The following RBFOX1 variants were observed in gnomAD, a reference collection of about 807,000 sequenced individuals.
RBFOX1 encodes RNA binding fox-1 homolog 1.
A neutral mutation model predicts 57.7 loss-of-function variants in RBFOX1; 8 were observed. The ratio of observed to expected loss-of-function variants is 0.14; its 90% confidence interval spans 0.08 to 0.25. The LOEUF (loss-of-function observed/expected upper bound fraction) is 0.25, where lower values mean the gene tolerates loss of function less well. RBFOX1 is among the 10% of genes least tolerant of loss of function. The pLI is 1.00. For missense variants in RBFOX1, 611 were observed against 548.5 expected (o/e 1.11, Z -1.14); for synonymous variants, 326 against 222.4 (o/e 1.47, Z -4.15).
intron 3 of RBFOX1, among the ~76,000 whole-genome samples, chr16:7,022,837 A>G (rs941724580): frequency 1.4e-4 from 21 of 152,304 alleles, no homozygotes; most frequent in African/African-American, 4.6e-4. Context: ...AAGGAAGCTG[A>G]GGGGCAGAGA....
At chr16:6,096,247 A>C (rs1189700942) in intron 1 of RBFOX1, among the ~76,000 whole-genome samples, 2 of 152,180 alleles carry the variant, frequency 1.3e-5, no homozygotes, top group Admixed American at 1.3e-4. Context: ...GAAGGAGAAA[A>C]GTTCTGTCCC....
At chr16:6,625,541 C>T (rs2098293387) in intron 2 of RBFOX1, among the ~76,000 whole-genome samples, 1 of 152,046 alleles carries the variant, frequency 6.6e-6, no homozygotes, top group Admixed American at 6.5e-5. Flanking sequence ...TAAGAAAGCC[C>T]TCTCTGTCTG....
chr16:6,004,201 A>C (rs933341359), intron 4 of RBFOX1, among the ~76,000 whole-genome samples: 1 of 152,066 alleles, frequency 6.6e-6, no homozygotes, highest in African/African-American at 2.4e-5. Context: ...ATAAAATAAA[A>C]TTTTTTTTAA....
At chr16:6,604,127 C>A (rs896256835) in intron 2 of RBFOX1, among the ~76,000 whole-genome samples, 1 of 152,010 alleles carries the variant, frequency 6.6e-6, no homozygotes, top group Admixed American at 6.6e-5. Context: ...ACTCCCCTTA[C>A]TGTTGGCAGC....
rs539908165 is a variant in RBFOX1, at chr16:5,503,911, G to T, written c.258+36657G>T. Among the ~76,000 whole-genome samples the T allele has an allele frequency of 7.8e-4, 118 of 152,250 alleles. 1 individual carries two copies. The highest frequency in any genetic ancestry group is 1.3e-3 in the Non-Finnish European group (87 of 68,018). On this transcript the variant is annotated intron_variant, in intron 2 of 2. Coordinates refer to the RBFOX1 transcript ENST00000585867. ...CACTCATCTACTTTCTATCTCTACA[G>T]ATTTGCCTGTTGTGGCCATTTCATA...
At chr16:6,902,446 A>C (rs1207545967) in intron 3 of RBFOX1, among the ~76,000 whole-genome samples, 3 of 152,208 alleles carry the variant, frequency 2.0e-5, no homozygotes, top group Non-Finnish European at 4.4e-5. Context: ...TGGTTTTGCC[A>C]GGTGCAAAAC....
chr16:7,691,928 T>TGC (rs1350205631), intron 14 of RBFOX1, among the ~76,000 whole-genome samples: 3 of 152,162 alleles, frequency 2.0e-5, no homozygotes, highest in East Asian at 1.9e-4. Context: ...ATAGAGGTTA[T>TGC]TCTAAGTGCC....
chr16:6,124,984 T>C (rs1055274314), intron 1 of RBFOX1, among the ~76,000 whole-genome samples: 1 of 152,198 alleles, frequency 6.6e-6, no homozygotes, highest in African/African-American at 2.4e-5. Flanking sequence ...AGGCTCCAAG[T>C]TGAGCCAACG....
At position 7,020,919 on chromosome 16, in the gene RBFOX1, G is replaced by A. The variant is rs542567129; in HGVS notation, c.-15-31138G>A. ...AGACAGGCAAATCGCTTGAGGCCAG[G>A]AGTTCTAGACCAGCATGGCCAACAT... On this transcript the variant is annotated intron_variant, in intron 3 of 15. Transcript: ENST00000550418. Among the ~76,000 whole-genome samples the A allele has an allele frequency of 2.0e-5, 3 of 152,280 alleles. No individual in the cohort carries two copies. The South Asian group carries it at 6.2e-4, about 32-fold the overall frequency.
chr16:7,107,632 C>T (rs374345891), intron 4 of RBFOX1, among the ~76,000 whole-genome samples: 20 of 152,212 alleles, frequency 1.3e-4, no homozygotes, highest in East Asian at 9.7e-4. Context: ...CTTTCCGCTC[C>T]TCCCCTTCCA....
At chr16:7,278,387 C>G (rs1016180889) in intron 4 of RBFOX1, among the ~76,000 whole-genome samples, 2 of 152,152 alleles carry the variant, frequency 1.3e-5, no homozygotes, top group African/African-American at 2.4e-5. Context: ...ATAAAGATTC[C>G]TATGTATATC....
chr16:6,085,752 T>G (rs1597157530), intron 1 of RBFOX1, among the ~76,000 whole-genome samples: 3 of 151,968 alleles, frequency 2.0e-5, no homozygotes, highest in African/African-American at 4.8e-5. Flanking sequence ...TCCCCAAGAG[T>G]TGGGTCCCTT....
Position 7,693,919 on chromosome 16 carries a change from A to T in RBFOX1, c.996-15137A>T, listed in dbSNP as rs188844711. Among the ~76,000 whole-genome samples the T allele has an allele frequency of 1.6e-3, 238 of 152,320 alleles. 1 individual carries two copies. Among genetic ancestry groups the T allele is most frequent in the African/African-American group, 5.4e-3 (226 of 41,568 alleles). On this transcript the variant is annotated intron_variant, in intron 14 of 15. Transcript: ENST00000550418. ...TTTCCTTTCTTATAAAACATCTCTC[A>T]AGTAGCAGGACTTAGAGAGACCAGG... is the stretch of plus-strand genomic sequence containing the variant.
rs550638513 is a variant in RBFOX1 at position 7,240,877 on chromosome 16, GT to G, written c.27+188785del. Reference sequence around the variant, plus strand: ...GAGCCGCTGCACCTGGCAAAATATTGTTTTTTGAAACTCTTCTTGAAGTACT... The same window carrying G: ...GAGCCGCTGCACCTGGCAAAATATTGTTTTTGAAACTCTTCTTGAAGTACT... On this transcript the variant is annotated intron_variant, in intron 4 of 15. Transcript: ENST00000550418. Among the ~76,000 whole-genome samples the G allele has an allele frequency of 2.6e-5, 4 of 152,248 alleles. No homozygotes were observed. In the East Asian group the frequency reaches 5.8e-4, roughly 22 times the overall value.
At chr16:5,868,657 A>G (rs1235500595) in intron 4 of RBFOX1, among the ~76,000 whole-genome samples, 1 of 152,200 alleles carries the variant, frequency 6.6e-6, no homozygotes, top group Non-Finnish European at 1.5e-5. Flanking sequence ...GAGTGATTTC[A>G]GATGCCTAGT....
chr16:6,685,574 C>T (rs2059331931), intron 3 of RBFOX1, among the ~76,000 whole-genome samples: 1 of 151,962 alleles, frequency 6.6e-6, no homozygotes, highest in Admixed American at 6.6e-5. Context: ...AGGCATGAGC[C>T]ACTGTGTCTG....
chr16:6,483,135 G>A, intron 2 of RBFOX1: 16 of 1,049,818 alleles, frequency 1.5e-5, no homozygotes, highest in Non-Finnish European at 1.8e-5. Flanking sequence ...CCTTCCCCCA[G>A]CTGCAAGAGT....
At chr16:5,497,632 A>AG (rs2043046513) in intron 2 of RBFOX1, among the ~76,000 whole-genome samples, 1 of 147,004 alleles carries the variant, frequency 6.8e-6, no homozygotes, top group Non-Finnish European at 1.5e-5. Flanking sequence ...CAAAAAAAAA[A>AG]AAAAAAGCTG....
At chr16:6,945,639 C>T (rs1441688839) in intron 3 of RBFOX1, among the ~76,000 whole-genome samples, 1 of 151,926 alleles carries the variant, frequency 6.6e-6, no homozygotes, top group Admixed American at 6.6e-5. Context: ...GCCTGTAATC[C>T]CAGCACTTTG....
Sources: gnomAD v4.1 joint callset for allele counts (sites outside exome capture counted in the v4.1 genomes callset) on GRCh38, gnomAD v4.1.1 for gene constraint, MANE v1.5 for transcripts, NCBI Gene and HGNC (gene_info 2026-07-23, HGNC 2026-07-21) for gene names.